The following MYT1L variants were observed in gnomAD, a reference collection of about 807,000 sequenced individuals.
The protein encoded by MYT1L is myelin transcription factor 1-like protein.
A neutral mutation model predicts 126.7 loss-of-function variants in MYT1L; 12 were observed. The ratio of observed to expected loss-of-function variants is 0.09; its 90% confidence interval spans 0.06 to 0.15. MYT1L has a LOEUF of 0.15. Among genes scored for constraint, MYT1L ranks in the 10% least tolerant of loss-of-function variants. MYT1L has a pLI of 1.00. For synonymous variants in MYT1L, 541 were observed against 604.2 expected (o/e 0.90, Z 1.53); for missense variants, 979 against 1,585.2 (o/e 0.62, Z 6.49).
chr2:2,137,729 T>C (rs1256388000), intron 3 of MYT1L, among the ~76,000 whole-genome samples: 1 of 152,046 alleles, frequency 6.6e-6, no homozygotes, highest in Non-Finnish European at 1.5e-5. Context: ...CCTAAAACCA[T>C]AAAAACTCTA....
intron 21 of MYT1L, among the ~76,000 whole-genome samples, chr2:1,813,553 T>A (rs1330548317): frequency 6.6e-6 from 1 of 152,062 alleles, no homozygotes; most frequent in African/African-American, 2.4e-5. Flanking sequence ...GGGCGAGCAT[T>A]CTCACCTGAG....
intron 2 of MYT1L, among the ~76,000 whole-genome samples, chr2:2,281,489 T>G (rs1194896617): frequency 6.6e-6 from 1 of 152,186 alleles, no homozygotes; most frequent in East Asian, 1.9e-4. Context: ...TCTTCCTGAT[T>G]GATTGTAAAA....
chr2:2,288,295 TC>T (rs1271913775), intron 1 of MYT1L, among the ~76,000 whole-genome samples: 3 of 152,326 alleles, frequency 2.0e-5, no homozygotes, highest in Non-Finnish European at 4.4e-5. Flanking sequence ...ACCCTGATCA[TC>T]TAATTTCTCA....
intron 3 of MYT1L, among the ~76,000 whole-genome samples, chr2:2,083,924 C>A (rs1365837860): frequency 1.4e-5 from 2 of 146,102 alleles, no homozygotes; most frequent in African/African-American, 5.1e-5. Flanking sequence ...TTAGTGTAGA[C>A]CGAGAAGGCT....
chr2:2,155,286 C>T (rs1559166519), intron 3 of MYT1L, among the ~76,000 whole-genome samples: 2 of 152,166 alleles, frequency 1.3e-5, no homozygotes, highest in African/African-American at 4.8e-5. Context: ...TCCAAAGTGG[C>T]TCCTGGATAG....
rs146192483 is a variant in MYT1L, at chr2:2,104,984, A to G, written c.-303-50861T>C. Among the ~76,000 whole-genome samples, 8 of 152,318 alleles carry G rather than the reference A, an allele frequency of 5.3e-5. No homozygotes were observed. The East Asian group carries it at 1.4e-3, about 26-fold the overall frequency. On this transcript the variant is annotated intron_variant, in intron 3 of 24. Transcript: ENST00000647738. ...ATACTCCAGTTGGACACATTACATT[A>G]CTACTGAAAATAATAGATTGGATCA...
At chr2:2,112,461 C>T (rs2147763678) in intron 3 of MYT1L, among the ~76,000 whole-genome samples, 1 of 152,316 alleles carries the variant, frequency 6.6e-6, no homozygotes, top group South Asian at 2.1e-4. Context: ...AGAGTTAACA[C>T]AATTGTACTG....
Position 1,809,085 on chromosome 2 carries a change from C to T in MYT1L, c.3163G>A (p.Ala1055Thr). ...GEQMLTIKQR[A>T]SNGIENDEEI... The stretch of plus-strand genomic sequence containing the variant: ...CTGGAGGGGTGCTCACCGTTGCTGG[C>T]CCGCTGTTTGATGGTCAGCATCTGC... The change falls in exon 22 of 25, where the codon GCC becomes ACC. Residue 1055 changes from alanine (A) to threonine (T), a missense_variant. Physicochemically the swap from Ala to Thr is moderately conservative, Grantham distance 58 (BLOSUM62 0). Around this residue, in one of 12 missense-constraint regions of MYT1L, gnomAD observed 179 missense variants for 398.6 expected, o/e 0.45. Coordinates refer to ENST00000647738, the MANE Select transcript of MYT1L (RefSeq NM_001303052.2). The T allele has an allele frequency of 6.2e-7, 1 of 1,613,936 alleles. No individual in the cohort carries two copies. Among genetic ancestry groups the T allele is most frequent in the Non-Finnish European group, 8.5e-7 (1 of 1,179,878 alleles).
intron 2 of MYT1L, among the ~76,000 whole-genome samples, chr2:2,185,553 C>CCAA (rs2092033319): frequency 6.7e-6 from 1 of 149,114 alleles, no homozygotes; most frequent in Non-Finnish European, 1.5e-5. Context: ...GCCGGGCCTC[C>CCAA]TCGAGTCCCG....
intron 4 of MYT1L, among the ~76,000 whole-genome samples, chr2:2,018,651 A>G (rs1212478963): frequency 2.0e-5 from 3 of 152,190 alleles, no homozygotes; most frequent in African/African-American, 7.2e-5. Flanking sequence ...AGGAGTGATT[A>G]GACCCTCAAA....
At chr2:2,293,635 T>C (rs1027176079) in intron 1 of MYT1L, among the ~76,000 whole-genome samples, 4 of 152,098 alleles carry the variant, frequency 2.6e-5, no homozygotes, top group Non-Finnish European at 5.9e-5. Context: ...TATAAGATGG[T>C]GTGTCTGTGT....
chr2:2,274,517 G>C lies in MYT1L; in HGVS notation c.-421+9887C>G, dbSNP rs17038905. Reference sequence around the variant, plus strand: ...TTCTTAATCACTCATAATATGTGAAGACTCTTAGCCTCTATTGCTAGTATT... The same window carrying C: ...TTCTTAATCACTCATAATATGTGAACACTCTTAGCCTCTATTGCTAGTATT... On this transcript the variant is annotated intron_variant, in intron 2 of 24. Coordinates refer to ENST00000647738, the MANE Select transcript of MYT1L (RefSeq NM_001303052.2). 4.4e-3 allele frequency among the ~76,000 whole-genome samples: 670 copies of C among 152,248 alleles called. 2 individuals are homozygous for C. Among genetic ancestry groups the C allele is most frequent in the African/African-American group, 0.015 (638 of 41,554 alleles).
At chr2:1,796,207 C>G (rs1572295704) in intron 23 of MYT1L, among the ~76,000 whole-genome samples, 1 of 152,352 alleles carries the variant, frequency 6.6e-6, no homozygotes, top group East Asian at 1.9e-4. Flanking sequence ...TATTTGCCAT[C>G]TGGTCCTTTA....
chr2:2,222,324 G>A (rs1385028311), intron 2 of MYT1L, among the ~76,000 whole-genome samples: 1 of 151,860 alleles, frequency 6.6e-6, no homozygotes, highest in African/African-American at 2.4e-5. Context: ...GAGAAACCCT[G>A]TCTCTACTAA....
At chr2:2,175,105 G>T (rs568554628) in intron 2 of MYT1L, among the ~76,000 whole-genome samples, 2 of 152,064 alleles carry the variant, frequency 1.3e-5, no homozygotes, top group African/African-American at 4.8e-5. Flanking sequence ...CAGTGGTTTC[G>T]GGAATTATCA....
intron 2 of MYT1L, among the ~76,000 whole-genome samples, chr2:2,275,730 C>G (rs1332105049): frequency 6.6e-6 from 1 of 152,178 alleles, no homozygotes; most frequent in Non-Finnish European, 1.5e-5. Flanking sequence ...AGCATGCTTC[C>G]TGTTGCTGCC....
chr2:1,865,085 C>A (rs770381927), intron 18 of MYT1L, among the ~76,000 whole-genome samples: 2 of 152,154 alleles, frequency 1.3e-5, no homozygotes, highest in Non-Finnish European at 2.9e-5. Flanking sequence ...GAAGGGCGCC[C>A]GTGTGGGTGT....
intron 2 of MYT1L, among the ~76,000 whole-genome samples, chr2:2,191,328 GT>G (rs1225395991): frequency 1.3e-5 from 2 of 152,214 alleles, no homozygotes; most frequent in Non-Finnish European, 2.9e-5. Context: ...TCAGATTGGA[GT>G]TTTGCAAGTA....
chr2:1,923,391 G>C (rs1460904243), intron 9 of MYT1L, 128 bp from the exon 10 acceptor site: 7 of 787,364 alleles, frequency 8.9e-6, no homozygotes, highest in Non-Finnish European at 1.4e-5. Flanking sequence ...TCACAGAACT[G>C]TAAGTCCCAT....
Sources: gnomAD v4.1 joint callset for allele counts (sites outside exome capture counted in the v4.1 genomes callset) on GRCh38, gnomAD v4.1.1 for gene constraint, gnomAD v4.1.1 regional missense constraint, MANE v1.5 for transcripts, NCBI Gene and HGNC (gene_info 2026-07-23, HGNC 2026-07-21) for gene names.